RNF19B: variants seen among roughly 807,000 people sequenced by gnomAD.
The protein encoded by RNF19B is ring finger protein 19B.
Under a neutral mutation model 65.5 loss-of-function variants are expected in RNF19B, and 23 were observed. That is an observed-to-expected ratio of 0.35 (90% CI 0.25 to 0.50). The LOEUF is 0.50. Ranked by LOEUF, RNF19B falls within the 20% of genes least tolerant of loss-of-function variation. The probability of loss-of-function intolerance (pLI) is 0.98; values close to 1 mark genes in which losing one functional copy is unlikely to be tolerated. For missense variants in RNF19B, 794 were observed against 980.0 expected, an observed-to-expected ratio of 0.81 and a Z score of 2.53; for synonymous variants, 372 against 379.6, an observed-to-expected ratio of 0.98 and a Z score of 0.23.
At chr1:32,948,623 G>A (rs1197375174) in intron 2 of RNF19B, among the ~76,000 whole-genome samples, 2 of 152,104 alleles carry the variant, frequency 1.3e-5, no homozygotes, top group African/African-American at 4.8e-5. Context: ...CCACATTCTA[G>A]CAAGGAGATT....
chr1:32,945,866 T>TAC (rs1557571059), intron 4 of RNF19B, among the ~76,000 whole-genome samples: 1 of 150,894 alleles, frequency 6.6e-6, no homozygotes, highest in African/African-American at 2.4e-5. Context: ...GTAAGCATTT[T>TAC]ACCTTCTTCT....
intron 7 of RNF19B, among the ~76,000 whole-genome samples, chr1:32,939,098 C>G (rs764676234): frequency 3.1e-4 from 47 of 152,174 alleles, no homozygotes; most frequent in Non-Finnish European, 6.5e-4. Flanking sequence ...TATACTCAGT[C>G]CTTAACAACA....
chr1:32,942,859 G>A (rs531146457), intron 6 of RNF19B, among the ~76,000 whole-genome samples: 7 of 152,286 alleles, frequency 4.6e-5, no homozygotes, highest in East Asian at 3.9e-4. Context: ...TAGAAAAACC[G>A]GCCGGGCGCG....
chr1:32,954,045 C>T (rs1194900752), intron 1 of RNF19B, among the ~76,000 whole-genome samples: 1 of 150,336 alleles, frequency 6.7e-6, no homozygotes, highest in East Asian at 2.0e-4. Flanking sequence ...AGTAGCTGGG[C>T]TTACAGGCGC....
At chr1:32,942,210 A>G in intron 7 of RNF19B, 42 bp downstream of exon 7, 1 of 1,523,188 alleles carries the variant, frequency 6.6e-7, no homozygotes, top group Non-Finnish European at 9.0e-7. Context: ...GTTACTTCTT[A>G]TAATTCTAAC....
At chr1:32,957,125 G>T (rs1178398256) in intron 1 of RNF19B, among the ~76,000 whole-genome samples, 2 of 152,164 alleles carry the variant, frequency 1.3e-5, no homozygotes, top group Admixed American at 1.3e-4. Context: ...TTATTTCCAT[G>T]GCTTACACAG....
chr1:32,945,925 C>T (rs580167), intron 4 of RNF19B, among the ~76,000 whole-genome samples: 5 of 151,352 alleles, frequency 3.3e-5, no homozygotes, highest in African/African-American at 1.2e-4. Context: ...TGCAGTGGTG[C>T]GATCTTGGCT....
the RNF19B span, among the ~76,000 whole-genome samples, chr1:32,929,417 G>C: frequency 4.6e-5 from 7 of 152,072 alleles, no homozygotes; most frequent in African/African-American, 1.7e-4. Context: ...ATGATTTTTG[G>C]TGGAAGGGAC....
intron 1 of RNF19B, among the ~76,000 whole-genome samples, chr1:32,955,521 G>A (rs1013806837): frequency 1.3e-5 from 2 of 151,744 alleles, no homozygotes; most frequent in Non-Finnish European, 2.9e-5. Flanking sequence ...CTTGAGCTCA[G>A]GAGTTCGAGA....
At position 32,936,678 on chromosome 1, in the gene RNF19B, A is replaced by C; in HGVS notation, c.*128T>G. 2.0e-6 allele frequency: 2 copies of C among 981,554 alleles called. No individual in the cohort carries two copies. Among genetic ancestry groups the C allele is most frequent in the Non-Finnish European group, 2.8e-6 (2 of 719,822 alleles). The allele number at this position is 981,554 out of a possible 1,614,324, so 60.8% of individuals were successfully genotyped here. A position where few individuals can be genotyped will look rare whatever the true frequency, so the allele number is the denominator to read the frequency against. On this transcript the variant is annotated 3_prime_UTR_variant, in exon 9 of 9. Transcript: ENST00000235150. The stretch of plus-strand genomic sequence containing the variant: ...TGAATTTCTCAGAATTTCCCTGGGC[A>C]AAAACCTGTGACCAGAGAATCTGTG...
chr1:32,957,016 A>C (rs1450548771), intron 1 of RNF19B, among the ~76,000 whole-genome samples: 8 of 152,076 alleles, frequency 5.3e-5, no homozygotes, highest in African/African-American at 1.9e-4. Flanking sequence ...TGCTCTCCCT[A>C]TTCCCCACTC....
At chr1:32,963,783 C>CA (rs1335994007) in intron 1 of RNF19B, among the ~76,000 whole-genome samples, 7 of 151,712 alleles carry the variant, frequency 4.6e-5, no homozygotes, top group African/African-American at 9.7e-5. Context: ...ATTCCCCCAA[C>CA]AAAAAAACCG....
intron 3 of RNF19B, 125 bp downstream of exon 3, chr1:32,948,097 A>G: frequency 2.2e-6 from 2 of 914,708 alleles, no homozygotes; most frequent in Non-Finnish European, 3.3e-6. Flanking sequence ...GGAGCATGTC[A>G]GAAGAAGTTT....
chr1:32,933,331 T>C (rs1570067032), downstream of RNF19B, among the ~76,000 whole-genome samples: 1 of 152,244 alleles, frequency 6.6e-6, no homozygotes, highest in East Asian at 1.9e-4. Flanking sequence ...CTCAGCTCAC[T>C]GCAAGCTTTG....
intron 8 of RNF19B, 66 bp downstream of exon 8, chr1:32,938,331 A>C: frequency 6.4e-7 from 1 of 1,562,034 alleles, no homozygotes. Flanking sequence ...GAGGCATTGA[A>C]CTTCTGAAGA....
At chr1:32,943,979 T>G in intron 6 of RNF19B, 40 bp downstream of exon 6, 1 of 1,574,310 alleles carries the variant, frequency 6.4e-7, no homozygotes, top group Non-Finnish European at 8.7e-7. Flanking sequence ...TTATCTTGTA[T>G]ATCATAAATT....
intron 2 of RNF19B, among the ~76,000 whole-genome samples, 189 bp downstream of exon 2, chr1:32,949,380 G>GGAT (rs1384174419): frequency 2.0e-5 from 3 of 152,060 alleles, no homozygotes; most frequent in Non-Finnish European, 4.4e-5. Context: ...TTATATAGTT[G>GGAT]GATAACCTAT....
At chr1:32,954,233 AAAG>A (rs761460045) in intron 1 of RNF19B, among the ~76,000 whole-genome samples, 10 of 151,404 alleles carry the variant, frequency 6.6e-5, no homozygotes, top group Non-Finnish European at 1.3e-4. Flanking sequence ...TTTTCTTGAA[AAAG>A]AAGAACATTG....
chr1:32,934,896 G>A (rs1642071426), downstream of RNF19B, among the ~76,000 whole-genome samples: 1 of 151,882 alleles, frequency 6.6e-6, no homozygotes, highest in South Asian at 2.1e-4. Context: ...GCAAAGGCGC[G>A]ATCTCGGCTC....
Sources: gnomAD v4.1 joint callset for allele counts (sites outside exome capture counted in the v4.1 genomes callset) on GRCh38, gnomAD v4.1.1 for gene constraint, MANE v1.5 for transcripts, NCBI Gene and HGNC (gene_info 2026-07-23, HGNC 2026-07-21) for gene names.